Variants in ZNF500 observed in about 807,000 individuals in gnomAD.
The protein encoded by ZNF500 is zinc finger protein with KRAB and SCAN domains 18.
Under a neutral mutation model 30.1 loss-of-function variants are expected in ZNF500, and 31 were observed. That is an observed-to-expected ratio of 1.03 (90% CI 0.77 to 1.39). ZNF500 has a LOEUF of 1.39. Among genes scored for constraint, ZNF500 ranks in the 40% most tolerant of loss-of-function variants. The pLI, the probability that ZNF500 is intolerant of heterozygous loss-of-function variation, is 0.00. For synonymous variants in ZNF500, 392 were observed against 282.0 expected (o/e 1.39, Z -3.91); for missense variants, 817 against 657.8 (o/e 1.24, Z -2.65).
intron 5 of ZNF500, among the ~76,000 whole-genome samples, chr16:4,756,808 G>A (rs1047417907): frequency 1.3e-5 from 2 of 151,976 alleles, no homozygotes; most frequent in Admixed American, 6.6e-5. Context: ...GAGACACCGT[G>A]CCCGGCCCAA....
At chr16:4,754,479 G>A (rs1165978415) in intron 5 of ZNF500, among the ~76,000 whole-genome samples, 1 of 151,968 alleles carries the variant, frequency 6.6e-6, no homozygotes, top group East Asian at 1.9e-4. Context: ...GGCCAACATG[G>A]TGAAACCCCA....
chr16:4,744,932 C>G, downstream of ZNF500: 3 of 1,613,914 alleles, frequency 1.9e-6, no homozygotes, highest in Non-Finnish European at 2.5e-6. Flanking sequence ...GTGCACCACG[C>G]AGTCCAAGGC....
In ZNF500 at chr16:4,751,471, G is replaced by A. The variant is rs957051408; in HGVS notation, c.*905C>T. 2.0e-5 allele frequency: 23 copies of A among 1,150,836 alleles called. No homozygotes were observed. The highest frequency in any genetic ancestry group is 3.2e-5 in the South Asian group (2 of 62,790). The allele number at this position is 1,150,836 out of a possible 1,614,324, so 71.3% of individuals were successfully genotyped here. A position where few individuals can be genotyped will look rare whatever the true frequency, so the allele number is the denominator to read the frequency against. On this transcript the variant is annotated 3_prime_UTR_variant, in exon 6 of 6. Transcript: ENST00000219478. Reference sequence around the variant, plus strand: ...TGCTTTCCCGCCCCAGGTGTCTTCCGCCCTGCAGAGCAGCTATGGATCTGC... The same window carrying A: ...TGCTTTCCCGCCCCAGGTGTCTTCCACCCTGCAGAGCAGCTATGGATCTGC...
chr16:4,764,863 G>A (rs959612046), intron 2 of ZNF500, among the ~76,000 whole-genome samples: 80 of 152,038 alleles, frequency 5.3e-4, no homozygotes, highest in Admixed American at 4.9e-3. Flanking sequence ...GGCAGCTACT[G>A]TTTTGCATGG....
chr16:4,755,787 C>CA (rs1344790124), intron 5 of ZNF500, among the ~76,000 whole-genome samples: 1 of 152,020 alleles, frequency 6.6e-6, no homozygotes, highest in African/African-American at 2.4e-5. Context: ...TCACAGTAGC[C>CA]AAAAAATGGA....
intron 5 of ZNF500, among the ~76,000 whole-genome samples, chr16:4,758,744 C>G (rs1311319146): frequency 1.3e-5 from 2 of 152,160 alleles, no homozygotes; most frequent in African/African-American, 4.8e-5. Flanking sequence ...GCTCTGGATG[C>G]CTGTCACTAA....
In ZNF500 at chr16:4,762,729, C is replaced by A. The variant is rs758737466; in HGVS notation, c.442G>T (p.Val148Leu). 1.9e-6 allele frequency: 3 copies of A among 1,611,608 alleles called. No homozygotes were observed. Among genetic ancestry groups the A allele is most frequent in the African/African-American group, 2.7e-5 (2 of 74,884 alleles). Residue 148 changes from valine (V) to leucine (L), a missense_variant, in exon 3 of 6, where the codon GTG (valine) becomes TTG (leucine). Val to Leu is a conservative substitution (Grantham distance 32). Transcript: ENST00000219478. ...AACTGTCCCCCTATCCCGAGGGGCA[C>A]CTCGTCATCAGAAAGCAGCTCTGAG... ...RGSELLSDDE[V>L]PLGIGGQFLK...
At chr16:4,756,033 C>A (rs2082131188) in intron 5 of ZNF500, among the ~76,000 whole-genome samples, 1 of 152,104 alleles carries the variant, frequency 6.6e-6, no homozygotes, top group Admixed American at 6.6e-5. Context: ...AGGTGGCTGC[C>A]AGAGGCTAGG....
intron 5 of ZNF500, among the ~76,000 whole-genome samples, chr16:4,758,748 T>A (rs1196951030): frequency 6.6e-6 from 1 of 152,142 alleles, no homozygotes; most frequent in Non-Finnish European, 1.5e-5. Context: ...TGGATGCCTG[T>A]CACTAAAGCT....
intron 3 of ZNF500, 68 bp downstream of exon 3, chr16:4,762,505 C>G (rs2082216611): frequency 6.5e-7 from 1 of 1,548,936 alleles, no homozygotes; most frequent in Non-Finnish European, 8.7e-7. Context: ...GGCCACAGTC[C>G]ACACCCCAGT....
downstream of ZNF500, among the ~76,000 whole-genome samples, chr16:4,745,962 A>AAG (rs1358764864): frequency 6.6e-6 from 1 of 151,884 alleles, no homozygotes; most frequent in East Asian, 1.9e-4. Flanking sequence ...CAAAAAAAAA[A>AAG]AAAAAAAGAA....
At chr16:4,764,555 G>A (rs1596507367) in intron 2 of ZNF500, among the ~76,000 whole-genome samples, 2 of 152,064 alleles carry the variant, frequency 1.3e-5, no homozygotes, top group South Asian at 4.1e-4. Flanking sequence ...GCCAAGGCAG[G>A]TGAATCACGA....
intron 4 of ZNF500, 84 bp from the exon 5 acceptor site, chr16:4,760,672 C>G (rs866483092): frequency 8.1e-7 from 1 of 1,231,174 alleles, no homozygotes; most frequent in Non-Finnish European, 1.2e-6. Flanking sequence ...GGAGCTGCAC[C>G]GCCACTGCCC....
At chr16:4,744,859 G>A, downstream of ZNF500, 2 of 1,609,100 alleles carry the variant, frequency 1.2e-6, no homozygotes, top group South Asian at 2.2e-5. Context: ...CTCTCCTTTG[G>A]CCATCCTCAG....
rs559619202 is a variant in ZNF500, at chr16:4,748,873, G to A, written c.*3503C>T. 1.3e-5 allele frequency: 2 copies of A among 152,468 alleles called. No individual in the cohort carries two copies. The highest frequency in any genetic ancestry group is 4.8e-5 in the African/African-American group (2 of 41,580). The allele number at this position is 152,468 out of a possible 1,614,324, so 9.4% of individuals were successfully genotyped here. On this transcript the variant is annotated 3_prime_UTR_variant, in exon 6 of 6. Coordinates refer to ENST00000219478, the MANE Select transcript of ZNF500 (RefSeq NM_021646.4). ...CCCTGGGGTTCACCCCTGGCTGCCA[G>A]GCCACTGAGGATGGGCAGGGGTCTC...
At chr16:4,755,554 T>C (rs1264886257) in intron 5 of ZNF500, among the ~76,000 whole-genome samples, 2 of 152,118 alleles carry the variant, frequency 1.3e-5, no homozygotes, top group Non-Finnish European at 2.9e-5. Context: ...TGACCTCAGG[T>C]GACCCAACCG....
At position 4,752,431 on chromosome 16, in the gene ZNF500, C is replaced by G. The variant is rs1269750908; in HGVS notation, c.1388G>C (p.Gly463Ala). ...HKHQRTHMGA[G>A]SLPTLQPVAP... is the part of the protein sequence containing the mutation. The stretch of plus-strand genomic sequence containing the variant: ...CACCGGCTGGAGCGTCGGCAAGGAG[C>G]CTGCCCCCATGTGGGTCCGCTGGTG... Residue 463 changes from glycine to alanine, a missense_variant, in exon 6 of 6, where the codon GGC (glycine) becomes GCC (alanine). Physicochemically the swap from Gly to Ala is moderately conservative, Grantham distance 60 (BLOSUM62 0). Coordinates refer to ENST00000219478, the MANE Select transcript of ZNF500 (RefSeq NM_021646.4). 1.3e-6 allele frequency: 2 copies of G among 1,536,374 alleles called. No homozygotes were observed. Among genetic ancestry groups the G allele is most frequent in the Non-Finnish European group, 1.7e-6 (2 of 1,145,658 alleles).
At chr16:4,766,816 C>G (rs1198884507) in intron 1 of ZNF500, 1 of 152,386 alleles carries the variant, frequency 6.6e-6, no homozygotes, top group Non-Finnish European at 1.5e-5. Context: ...CGTCAGGCAC[C>G]CCCGCGTGGG....
downstream of ZNF500, chr16:4,747,733 AT>A: frequency 7.3e-7 from 1 of 1,371,712 alleles, no homozygotes; most frequent in Non-Finnish European, 9.8e-7. Flanking sequence ...TAGCAGGGGC[AT>A]TCCAGAGGCA....
Sources: gnomAD v4.1 joint callset for allele counts (sites outside exome capture counted in the v4.1 genomes callset) on GRCh38, gnomAD v4.1.1 for gene constraint, MANE v1.5 for transcripts, NCBI Gene and HGNC (gene_info 2026-07-23, HGNC 2026-07-21) for gene names.